Variants in HHIPL1 observed in about 807,000 individuals in gnomAD.
The protein encoded by HHIPL1 is HHIP-like protein 1.
HHIPL1 carries 43 observed loss-of-function variants against 61.8 expected under a neutral mutation model. The observed-to-expected ratio is 0.70, with a 90% confidence interval of 0.55 to 0.90. The LOEUF is 0.90. Among genes scored for constraint, HHIPL1 ranks in the 40% least tolerant of loss-of-function variants. The pLI, the probability that HHIPL1 is intolerant of heterozygous loss-of-function variation, is 0.00. For synonymous variants in HHIPL1, 482 were observed against 515.8 expected, an observed-to-expected ratio of 0.93 and a Z score of 0.89; for missense variants, 1,056 against 1,157.7, an observed-to-expected ratio of 0.91 and a Z score of 1.28.
the HHIPL1 span, among the ~76,000 whole-genome samples, chr14:99,636,979 A>G: frequency 7.0e-5 from 10 of 141,930 alleles, no homozygotes; most frequent in Non-Finnish European, 1.4e-4. Flanking sequence ...AAAAAAAAAA[A>G]GGAAAGAAAG....
rs957946789 is a variant in HHIPL1 at position 99,668,727 on chromosome 14, G to T, written c.1730+424G>T. 1 of 1,271,338 alleles carries T rather than the reference G, an allele frequency of 7.9e-7. No homozygotes were observed. The highest frequency in any genetic ancestry group is 1.5e-5 in the African/African-American group (1 of 66,744). The allele number at this position is 1,271,338 out of a possible 1,614,324, so 78.8% of individuals were successfully genotyped here. On this transcript the variant is annotated intron_variant, in intron 7 of 8. Transcript: ENST00000330710. The surrounding 1 kb of genome is among the most constrained non-coding windows in gnomAD (Gnocchi z 4.7). ...TCCCAGATGACACCCTGATCCCTGT[G>T]TGTCCCCGCCCCGTGCCTGCCCTTC...
intron 1 of HHIPL1, among the ~76,000 whole-genome samples, chr14:99,650,873 C>A (rs966116346): frequency 1.3e-5 from 2 of 152,240 alleles, no homozygotes; most frequent in Non-Finnish European, 2.9e-5. Context: ...AAAGGGCATG[C>A]CTGCAAAGGG....
intron 5 of HHIPL1, among the ~76,000 whole-genome samples, chr14:99,662,117 C>T (rs2140080021): frequency 6.6e-6 from 1 of 152,280 alleles, no homozygotes; most frequent in South Asian, 2.1e-4. Context: ...TTCCCAGCCG[C>T]TCTGCTGGGT....
chr14:99,619,300 A>C, the HHIPL1 span, among the ~76,000 whole-genome samples: 97,600 of 151,382 alleles, frequency 0.64, 32,973 homozygotes, highest in South Asian at 0.81. Context: ...GTCTCTACTA[A>C]AAATACAAAA....
chr14:99,675,772 T>C lies in HHIPL1; in HGVS notation c.*146T>C. Reference sequence around the variant, plus strand: ...TGTCCTGGGGACATGTGTGAGGCGCTGCAGTGCATGTGTGTCCTCTGCAGA... The same window carrying C: ...TGTCCTGGGGACATGTGTGAGGCGCCGCAGTGCATGTGTGTCCTCTGCAGA... On this transcript the variant is annotated 3_prime_UTR_variant, in exon 9 of 9. Coordinates refer to ENST00000330710, the MANE Select transcript of HHIPL1 (RefSeq NM_001127258.3). The surrounding 1 kb of genome is among the most constrained non-coding windows in gnomAD (Gnocchi z 5.4). The C allele has an allele frequency of 1.3e-6, 1 of 785,076 alleles. No individual in the cohort carries two copies. The highest frequency in any genetic ancestry group is 1.9e-6 in the Non-Finnish European group (1 of 521,530). The allele number at this position is 785,076 out of a possible 1,614,324, so 48.6% of individuals were successfully genotyped here.
At chr14:99,650,640 G>A (rs1022760075) in intron 1 of HHIPL1, among the ~76,000 whole-genome samples, 6 of 152,214 alleles carry the variant, frequency 3.9e-5, no homozygotes, top group Non-Finnish European at 8.8e-5. Flanking sequence ...GCTCCCTTCT[G>A]CTGTCTCTGC....
the HHIPL1 span, among the ~76,000 whole-genome samples, chr14:99,636,583 C>A: frequency 2.0e-5 from 3 of 152,108 alleles, no homozygotes; most frequent in Non-Finnish European, 4.4e-5. Context: ...GACGGTGGCA[C>A]TGCTTAGAGA....
the HHIPL1 span, among the ~76,000 whole-genome samples, chr14:99,611,575 C>T: frequency 3.3e-4 from 47 of 143,598 alleles, no homozygotes; most frequent in African/African-American, 1.1e-3. Context: ...TGTGAGCCAC[C>T]GTGCCTGGCC....
At chr14:99,643,027 C>A (rs750928344), upstream of HHIPL1, among the ~76,000 whole-genome samples, 1 of 151,736 alleles carries the variant, frequency 6.6e-6, no homozygotes. Flanking sequence ...GGCTCTGATG[C>A]TCCTTCTGAC....
chr14:99,607,215 T>A, the HHIPL1 span, among the ~76,000 whole-genome samples: 1 of 151,594 alleles, frequency 6.6e-6, no homozygotes, highest in African/African-American at 2.4e-5. Context: ...TTTTCTTTTT[T>A]CCCCCATAGA....
intron 2 of HHIPL1, among the ~76,000 whole-genome samples, chr14:99,656,750 T>TG (rs35951752): frequency 0.086 from 9,862 of 115,240 alleles, 1,484 homozygotes; most frequent in East Asian, 0.12. Context: ...CACTCCAGCC[T>TG]GGTGACAGAG....
chr14:99,653,472 A>C (rs1203747110), intron 2 of HHIPL1, among the ~76,000 whole-genome samples: 1 of 152,192 alleles, frequency 6.6e-6, no homozygotes, highest in Admixed American at 6.5e-5. Flanking sequence ...AACTGGGACT[A>C]CAGGCACACA....
chr14:99,630,923 G>A, the HHIPL1 span, among the ~76,000 whole-genome samples: 2 of 152,140 alleles, frequency 1.3e-5, no homozygotes, highest in Non-Finnish European at 2.9e-5. Flanking sequence ...TCCCCTGCAT[G>A]TGGCCTTCTC....
chr14:99,671,588 T>C (rs1486749500), intron 7 of HHIPL1, among the ~76,000 whole-genome samples: 2 of 152,208 alleles, frequency 1.3e-5, no homozygotes, highest in Non-Finnish European at 2.9e-5. Context: ...TGTCCTGGAA[T>C]GGGGTCATTC....
intron 6 of HHIPL1, among the ~76,000 whole-genome samples, chr14:99,666,929 C>T (rs757184830): frequency 1.3e-4 from 20 of 151,732 alleles, no homozygotes; most frequent in Non-Finnish European, 2.5e-4. Flanking sequence ...CACAAGTTAC[C>T]CCTCAAGTGC....
the HHIPL1 span, among the ~76,000 whole-genome samples, chr14:99,629,242 C>G: frequency 1.4e-3 from 211 of 152,340 alleles, no homozygotes; most frequent in African/African-American, 4.5e-3. Context: ...TATCATCAGG[C>G]TGCTGGACAG....
chr14:99,670,996 T>A (rs1462947566), intron 7 of HHIPL1, among the ~76,000 whole-genome samples: 1 of 152,168 alleles, frequency 6.6e-6, no homozygotes, highest in Non-Finnish European at 1.5e-5. Flanking sequence ...GTTGTCCCCA[T>A]GTCATAGAGA....
At chr14:99,644,945 C>G (rs191303158), upstream of HHIPL1, among the ~76,000 whole-genome samples, 4 of 152,168 alleles carry the variant, frequency 2.6e-5, no homozygotes, top group Non-Finnish European at 5.9e-5. Context: ...GAAAACACAC[C>G]GGGGCTTTAA....
Position 99,645,190 on chromosome 14 carries a change from C to T in HHIPL1, c.-18C>T. 1.6e-6 allele frequency: 2 copies of T among 1,271,584 alleles called. No individual in the cohort carries two copies. The highest frequency in any genetic ancestry group is 2.0e-6 in the Non-Finnish European group (2 of 1,009,422). The allele number at this position is 1,271,584 out of a possible 1,614,324, so 78.8% of individuals were successfully genotyped here. A position where few individuals can be genotyped will look rare whatever the true frequency, so the allele number is the denominator to read the frequency against. ...CGGGGCTGCCGTCCCTCCGCCTCTT[C>T]CCCCGCGGGGCGTAGCGATGGCCCG... On this transcript the variant is annotated 5_prime_UTR_variant, in exon 1 of 9. Transcript: ENST00000330710.
Sources: gnomAD v4.1 joint callset for allele counts (sites outside exome capture counted in the v4.1 genomes callset) on GRCh38, gnomAD v4.1.1 for gene constraint, Gnocchi (gnomAD v3.1) non-coding constraint, MANE v1.5 for transcripts, NCBI Gene and HGNC (gene_info 2026-07-23, HGNC 2026-07-21) for gene names.